Variants in ADAM28 observed in about 807,000 individuals in gnomAD.
ADAM28 encodes the protein disintegrin and metalloproteinase domain-containing protein 28.
In ADAM28, 105 loss-of-function variants were observed where a neutral mutation model predicts 101.2. The ratio of observed to expected loss-of-function variants is 1.04; its 90% CI spans 0.89 to 1.22. The LOEUF is 1.22. ADAM28 is among the 50% of genes most tolerant of loss of function. ADAM28 has a pLI of 0.00. For missense variants in ADAM28, 1,028 were observed against 945.4 expected, an observed-to-expected ratio of 1.09 and a Z score of -1.15; for synonymous variants, 322 against 310.6, an observed-to-expected ratio of 1.04 and a Z score of -0.39.
Position 24,335,564 on chromosome 8 carries a change from G to A in ADAM28, c.1490G>A (p.Cys497Tyr), listed in dbSNP as rs368760350. The A allele has an allele frequency of 6.8e-6, 11 of 1,613,846 alleles. No individual in the cohort carries two copies. In the African/African-American group the frequency reaches 1.5e-4, roughly 22 times the overall value. Residue 497 changes from cysteine to tyrosine, a missense_variant, in exon 14 of 23, where the codon TGC (cysteine) becomes TAC (tyrosine). By Grantham distance (194) the Cys-to-Tyr change is radical (BLOSUM62 -2). Coordinates refer to ENST00000265769, the MANE Select transcript of ADAM28 (RefSeq NM_014265.6). ...DDRFQVNGFP[C>Y]HHGKGHCLMG... ...AGATTCCAAGTCAATGGCTTCCCTTGCCATCACGGGAAGGGCCACTGCTTG... is the reference window on the plus strand; with the variant it reads ...AGATTCCAAGTCAATGGCTTCCCTTACCATCACGGGAAGGGCCACTGCTTG...
intron 8 of ADAM28, among the ~76,000 whole-genome samples, chr8:24,321,845 A>G (rs904642267): frequency 1.3e-5 from 2 of 152,008 alleles, no homozygotes; most frequent in South Asian, 2.1e-4. Flanking sequence ...GCAACTATTG[A>G]CTATGTTCTT....
At chr8:24,332,530 T>G in intron 12 of ADAM28, 130 bp from the exon 13 acceptor site, 2 of 424,634 alleles carry the variant, frequency 4.7e-6, no homozygotes, top group South Asian at 1.2e-4. Flanking sequence ...TTTTTTTATA[T>G]TTTTTGAAAA....
In ADAM28 at chr8:24,349,882, G is replaced by A. The variant is rs543916180; in HGVS notation, c.2009G>A (p.Gly670Glu). The A allele has an allele frequency of 1.9e-6, 3 of 1,613,612 alleles. No individual in the cohort carries two copies. Among genetic ancestry groups the A allele is most frequent in the East Asian group, 2.2e-5 (1 of 44,816 alleles). ...GCTGCAGACTTCTCCATTGTGGTTG[G>A]GGTGCTGTTCCCAATGGCGGTCATT... ...SVVFHFSIVV[G>E]VLFPMAVIFV... The change falls in exon 19 of 23, where the codon GGG becomes GAG. Residue 670 changes from glycine (G) to glutamate (E), a missense_variant. Physicochemically the swap from Gly to Glu is moderately conservative, Grantham distance 98. Coordinates refer to ENST00000265769, the MANE Select transcript of ADAM28 (RefSeq NM_014265.6).
chr8:24,336,015 C>A, intron 14 of ADAM28: 1 of 1,011,552 alleles, frequency 9.9e-7, no homozygotes, highest in Non-Finnish European at 1.2e-6. Flanking sequence ...AGATCATAAA[C>A]CCTTGGAAAT....
chr8:24,320,329 G>A (rs1185724006), intron 7 of ADAM28, 22 bp downstream of exon 7: 1 of 1,503,918 alleles, frequency 6.6e-7, no homozygotes, highest in Non-Finnish European at 9.2e-7. Flanking sequence ...AGATAAATGT[G>A]CTGTCTTCCA....
intron 14 of ADAM28, among the ~76,000 whole-genome samples, chr8:24,336,410 C>G (rs1013339651): frequency 6.6e-6 from 1 of 151,046 alleles, no homozygotes; most frequent in African/African-American, 2.4e-5. Flanking sequence ...GGTGAAACCC[C>G]GTCTCTACTA....
chr8:24,333,638 G>A (rs574169908), intron 13 of ADAM28, among the ~76,000 whole-genome samples: 95 of 152,264 alleles, frequency 6.2e-4, no homozygotes, highest in African/African-American at 2.2e-3. Flanking sequence ...TTCTCAGGTC[G>A]AATCTCACAA....
intron 22 of ADAM28, among the ~76,000 whole-genome samples, chr8:24,354,174 C>G (rs1268592182): frequency 1.3e-5 from 2 of 152,050 alleles, no homozygotes; most frequent in Non-Finnish European, 2.9e-5. Flanking sequence ...ATGCTAATTA[C>G]CGGATAGATA....
rs539530182 is a variant in ADAM28, at chr8:24,307,118, G to A, written c.151-2776G>A. On this transcript the variant is annotated intron_variant, in intron 2 of 22. Coordinates refer to ENST00000265769, the MANE Select transcript of ADAM28 (RefSeq NM_014265.6). ...TTTGTAGTTTCTGTGTTGAGACTAT[G>A]GGTCTTCCCTGTGCAAAGACTTGAT... 7.2e-5 allele frequency among the ~76,000 whole-genome samples: 11 copies of A among 152,250 alleles called. No homozygotes were observed. The South Asian group carries it at 2.3e-3, about 32-fold the overall frequency.
At chr8:24,315,613 T>C (rs531170854) in intron 6 of ADAM28, among the ~76,000 whole-genome samples, 1 of 151,936 alleles carries the variant, frequency 6.6e-6, no homozygotes, top group East Asian at 1.9e-4. Context: ...CTTTTTAAAA[T>C]TTTCAAAAAA....
intron 11 of ADAM28, among the ~76,000 whole-genome samples, chr8:24,330,585 CTT>C (rs1813241776): frequency 6.6e-6 from 1 of 152,132 alleles, no homozygotes; most frequent in Non-Finnish European, 1.5e-5. Context: ...TTCATGTCCT[CTT>C]TTCTATACAT....
chr8:24,321,427 G>T, intron 8 of ADAM28, 138 bp downstream of exon 8: 1 of 747,518 alleles, frequency 1.3e-6, no homozygotes, highest in South Asian at 1.4e-5. Context: ...CCCAAAGGAT[G>T]ACCACAACTT....
At chr8:24,305,111 G>GT (rs973619078) in intron 2 of ADAM28, among the ~76,000 whole-genome samples, 14 of 141,994 alleles carry the variant, frequency 9.9e-5, no homozygotes, top group East Asian at 7.8e-4. Context: ...CTACTTCTAT[G>GT]TTTTTTTTAA....
chr8:24,329,864 TGTGTTTG>T, intron 10 of ADAM28, 114 bp from the exon 11 acceptor site: 3 of 892,490 alleles, frequency 3.4e-6, no homozygotes, highest in Non-Finnish European at 5.2e-6. Context: ...TGTGTGTGTG[TGTGTTTG>T]TGTGTGTGTG....
At chr8:24,296,271 TTAATC>T (rs1237015464) in intron 1 of ADAM28, 5 of 152,186 alleles carry the variant, frequency 3.3e-5, no homozygotes, top group African/African-American at 9.7e-5. Context: ...AATATACAGT[TTAATC>T]TAAATAGTCA....
intron 18 of ADAM28, among the ~76,000 whole-genome samples, chr8:24,349,013 G>A (rs77266591): frequency 0.034 from 5,136 of 152,162 alleles, 300 homozygotes; most frequent in African/African-American, 0.12. Context: ...GGCGAGTAGC[G>A]AATATTTGAA....
At position 24,335,602 on chromosome 8, in the gene ADAM28, C is replaced by T; in HGVS notation, c.1528C>T (p.Pro510Ser). Residue 510 changes from proline to serine, a missense_variant, in exon 14 of 23, where the codon CCC becomes TCC. Physicochemically the swap from Pro to Ser is moderately conservative, Grantham distance 74. Coordinates refer to ENST00000265769, the MANE Select transcript of ADAM28 (RefSeq NM_014265.6). ...GKGHCLMGTC[P>S]TLQEQCTELW... ...GGGCCACTGCTTGATGGGGACATGC[C>T]CCACACTGCAGGAGCAGTGCACAGA... The T allele has an allele frequency of 1.2e-6, 2 of 1,613,142 alleles. No homozygotes were observed. Among genetic ancestry groups the T allele is most frequent in the African/African-American group, 1.3e-5 (1 of 74,980 alleles).
rs557462539 is a variant in ADAM28 at position 24,315,911 on chromosome 8, A to G, written c.576+2331A>G. Among the ~76,000 whole-genome samples, 5 of 152,074 alleles carry G rather than the reference A, an allele frequency of 3.3e-5. No homozygotes were observed. The East Asian group carries it at 9.7e-4, about 29-fold the overall frequency. On this transcript the variant is annotated intron_variant, in intron 6 of 22. Coordinates refer to ENST00000265769, the MANE Select transcript of ADAM28 (RefSeq NM_014265.6). ...CAACAGACTGAAAGACAAAAAATAC[A>G]TGATCATATCAATTGGTGAAAAGGC...
At chr8:24,296,860 C>T (rs1016221115) in intron 1 of ADAM28, among the ~76,000 whole-genome samples, 8 of 152,108 alleles carry the variant, frequency 5.3e-5, no homozygotes, top group African/African-American at 1.4e-4. Flanking sequence ...AAATAATTAA[C>T]GTGATGTTAT....
Sources: gnomAD v4.1 joint callset for allele counts (sites outside exome capture counted in the v4.1 genomes callset) on GRCh38, gnomAD v4.1.1 for gene constraint, MANE v1.5 for transcripts, NCBI Gene and HGNC (gene_info 2026-07-23, HGNC 2026-07-21) for gene names.